The following KIAA1217 variants were observed in gnomAD, a reference collection of about 807,000 sequenced individuals.
KIAA1217 encodes the protein sickle tail protein homolog.
Under a neutral mutation model 163.9 loss-of-function variants are expected in KIAA1217, and 88 were observed. That is an observed-to-expected ratio of 0.54 (90% CI 0.45 to 0.64). The LOEUF is 0.64. Among genes scored for constraint, KIAA1217 ranks in the 30% least tolerant of loss-of-function variants. The pLI, the probability that KIAA1217 is intolerant of heterozygous loss-of-function variation, is 0.00. For synonymous variants in KIAA1217, 903 were observed against 923.1 expected, an observed-to-expected ratio of 0.98 and a Z score of 0.39; for missense variants, 2,372 against 2,475.0, an observed-to-expected ratio of 0.96 and a Z score of 0.88.
intron 1 of KIAA1217, among the ~76,000 whole-genome samples, chr10:23,923,412 C>G (rs186000156): frequency 6.6e-6 from 1 of 152,182 alleles, no homozygotes; most frequent in Non-Finnish European, 1.5e-5. Flanking sequence ...CTCAAAGATG[C>G]CTACATCCTT....
intron 1 of KIAA1217, among the ~76,000 whole-genome samples, chr10:23,765,427 C>T (rs1225351228): frequency 6.6e-6 from 1 of 151,938 alleles, no homozygotes; most frequent in African/African-American, 2.4e-5. Context: ...CCCGCCTCGG[C>T]CTCCCAAAGT....
chr10:24,481,531 AGCTT>A (rs2133311181), intron 6 of KIAA1217: 1 of 152,318 alleles, frequency 6.6e-6, no homozygotes, highest in African/African-American at 2.4e-5. Flanking sequence ...CCCAAAGTCC[AGCTT>A]GGAAGTCAGG....
At chr10:24,143,761 C>T (rs866812374) in intron 2 of KIAA1217, among the ~76,000 whole-genome samples, 16 of 151,504 alleles carry the variant, frequency 1.1e-4, no homozygotes, top group Non-Finnish European at 2.4e-4. Flanking sequence ...ATTGACATAT[C>T]TGGCCTCCCC....
intron 2 of KIAA1217, among the ~76,000 whole-genome samples, chr10:24,269,210 T>TAA (rs59746609): frequency 2.0e-4 from 17 of 87,068 alleles, no homozygotes; most frequent in East Asian, 6.2e-4. Flanking sequence ...AAAGTATAAT[T>TAA]AAAAAAAAAA....
At chr10:24,445,485 A>T (rs2060843976) in intron 5 of KIAA1217, among the ~76,000 whole-genome samples, 1 of 148,930 alleles carries the variant, frequency 6.7e-6, no homozygotes, top group African/African-American at 2.5e-5. Context: ...GCACCCATTA[A>T]CTCATCATTT....
chr10:24,065,412 T>C (rs1251504458), intron 2 of KIAA1217, among the ~76,000 whole-genome samples: 1 of 152,214 alleles, frequency 6.6e-6, no homozygotes, highest in Non-Finnish European at 1.5e-5. Context: ...CCAGTAGTCA[T>C]TCAGGAGCAG....
At chr10:24,468,324 A>T (rs1285867695) in intron 5 of KIAA1217, among the ~76,000 whole-genome samples, 1 of 151,876 alleles carries the variant, frequency 6.6e-6, no homozygotes, top group Admixed American at 6.6e-5. Flanking sequence ...AATGTTTCCC[A>T]CTCTATATTG....
intron 1 of KIAA1217, among the ~76,000 whole-genome samples, chr10:23,925,446 T>C (rs1842985390): frequency 6.6e-6 from 1 of 152,248 alleles, no homozygotes; most frequent in African/African-American, 2.4e-5. Flanking sequence ...TCCTGCCTTC[T>C]GCCCTCAACC....
intron 2 of KIAA1217, among the ~76,000 whole-genome samples, chr10:24,121,510 A>G (rs976320455): frequency 1.4e-4 from 21 of 152,328 alleles, no homozygotes; most frequent in Non-Finnish European, 2.8e-4. Flanking sequence ...GGAGCAAATA[A>G]GACACTTAGA....
At chr10:23,927,264 T>TTA (rs1843061076) in intron 1 of KIAA1217, among the ~76,000 whole-genome samples, 2 of 152,062 alleles carry the variant, frequency 1.3e-5, no homozygotes, top group South Asian at 4.1e-4. Flanking sequence ...TTACTATAAG[T>TTA]TATTTCTGTT....
intron 1 of KIAA1217, among the ~76,000 whole-genome samples, chr10:23,964,155 G>C (rs891093672): frequency 6.6e-6 from 1 of 152,030 alleles, no homozygotes; most frequent in Non-Finnish European, 1.5e-5. Flanking sequence ...ACCCGCCTCA[G>C]CCTCCCAAAG....
chr10:24,409,037 C>T lies in KIAA1217; in HGVS notation c.554-23958C>T, dbSNP rs146684666. On this transcript the variant is annotated intron_variant, in intron 3 of 20. Coordinates refer to ENST00000376454, the MANE Select transcript of KIAA1217 (RefSeq NM_019590.5). ...TGTGTTGCATTAGTTAATGAACTGG[C>T]GTGGATGATACAGTAGTTTATATTG... Among the ~76,000 whole-genome samples, 811 of 152,218 alleles carry T rather than the reference C, an allele frequency of 5.3e-3. 32 individuals carry two copies. Among genetic ancestry groups the T allele is most frequent in the Non-Finnish European group, 1.7e-3 (116 of 67,992 alleles).
At chr10:23,955,858 T>A (rs1844536889) in intron 1 of KIAA1217, among the ~76,000 whole-genome samples, 1 of 152,192 alleles carries the variant, frequency 6.6e-6, no homozygotes, top group South Asian at 2.1e-4. Flanking sequence ...CACAGAAATC[T>A]GAAAGATGAA....
At chr10:24,090,998 A>G (rs904101196) in intron 2 of KIAA1217, among the ~76,000 whole-genome samples, 6 of 151,914 alleles carry the variant, frequency 3.9e-5, no homozygotes, top group Admixed American at 6.5e-5. Context: ...CCTTTTCCAA[A>G]AATAAGAAAG....
At chr10:24,443,408 A>G (rs2060662272) in intron 5 of KIAA1217, among the ~76,000 whole-genome samples, 1 of 152,106 alleles carries the variant, frequency 6.6e-6, no homozygotes, top group Non-Finnish European at 1.5e-5. Flanking sequence ...GAATCACCTA[A>G]CAGTTCTTAC....
rs576151267 is a variant in KIAA1217 at position 24,399,015 on chromosome 10, G to A, written c.553+17948G>A. ...GATGGTTGCCTGACTTTCCTGGTAGGGTTGGAGGGAGCCCTCTCCTGCCCC... is the reference window on the plus strand; with the variant it reads ...GATGGTTGCCTGACTTTCCTGGTAGAGTTGGAGGGAGCCCTCTCCTGCCCC... On this transcript the variant is annotated intron_variant, in intron 3 of 20. Coordinates refer to ENST00000376454, the MANE Select transcript of KIAA1217 (RefSeq NM_019590.5). Among the ~76,000 whole-genome samples the A allele has an allele frequency of 4.6e-5, 7 of 152,252 alleles. No homozygotes were observed. The South Asian group carries it at 1.5e-3, about 32-fold the overall frequency.
At chr10:23,759,731 G>A (rs776648798) in intron 1 of KIAA1217, among the ~76,000 whole-genome samples, 1 of 152,106 alleles carries the variant, frequency 6.6e-6, no homozygotes, top group Non-Finnish European at 1.5e-5. Flanking sequence ...ACAGACTTTG[G>A]GCTGATTCAT....
At chr10:24,271,822 C>G (rs575554473) in intron 2 of KIAA1217, among the ~76,000 whole-genome samples, 1 of 151,726 alleles carries the variant, frequency 6.6e-6, no homozygotes, top group Non-Finnish European at 1.5e-5. Context: ...TCCCCCTGTA[C>G]GCAGCCCATT....
At chr10:24,231,766 G>C (rs1409599327) in intron 2 of KIAA1217, among the ~76,000 whole-genome samples, 1 of 150,886 alleles carries the variant, frequency 6.6e-6, no homozygotes, top group Non-Finnish European at 1.5e-5. Context: ...GCTTGGATGT[G>C]ATACCTGGAG....
Sources: allele counts gnomAD v4.1 joint callset (sites outside exome capture counted in the v4.1 genomes callset), GRCh38; gene constraint gnomAD v4.1.1; transcripts MANE v1.5; gene names NCBI Gene and HGNC (gene_info 2026-07-23, HGNC 2026-07-21).